RIT2: variants seen among roughly 807,000 people sequenced by gnomAD.
The protein encoded by RIT2 is Ras like without CAAX 2.
In RIT2, 24 loss-of-function variants were observed where a neutral mutation model predicts 23.7. The ratio of observed to expected loss-of-function variants is 1.01; its 90% CI spans 0.73 to 1.43. The LOEUF (loss-of-function observed/expected upper bound fraction) is 1.43. Among genes scored for constraint, RIT2 ranks in the 40% most tolerant of loss-of-function variants. The pLI, the probability that RIT2 is intolerant of heterozygous loss-of-function variation, is 0.00. For synonymous variants in RIT2, 107 were observed against 91.1 expected (o/e 1.17, Z -0.99); for missense variants, 236 against 266.9 (o/e 0.88, Z 0.81).
intron 4 of RIT2, among the ~76,000 whole-genome samples, chr18:42,849,082 C>T (rs990847109): frequency 2.0e-5 from 3 of 152,138 alleles, no homozygotes; most frequent in Admixed American, 2.0e-4. Context: ...AGGAAACAGA[C>T]CTAGTGAAGT....
At chr18:43,114,326 C>T (rs1474921761) in intron 1 of RIT2, among the ~76,000 whole-genome samples, 1 of 150,958 alleles carries the variant, frequency 6.6e-6, no homozygotes, top group African/African-American at 2.5e-5. Flanking sequence ...CTTTGTTGTC[C>T]ACTAAAGTCA....
At chr18:42,827,222 G>A (rs941475539) in intron 4 of RIT2, among the ~76,000 whole-genome samples, 1 of 152,096 alleles carries the variant, frequency 6.6e-6, no homozygotes, top group South Asian at 2.1e-4. Flanking sequence ...TTTTAGAGGA[G>A]GTATCAGAAA....
At chr18:42,777,084 G>GGA (rs1913689491) in intron 4 of RIT2, among the ~76,000 whole-genome samples, 1 of 151,958 alleles carries the variant, frequency 6.6e-6, no homozygotes, top group Non-Finnish European at 1.5e-5. Flanking sequence ...AAAAGAGTGG[G>GGA]GAAAGTTGTT....
chr18:42,821,756 A>G (rs990217475), intron 4 of RIT2, among the ~76,000 whole-genome samples: 35 of 152,278 alleles, frequency 2.3e-4, no homozygotes, highest in African/African-American at 7.9e-4. Flanking sequence ...TTCATTCAGT[A>G]AATACTTACT....
chr18:43,104,769 T>G (rs1187663914), intron 1 of RIT2, among the ~76,000 whole-genome samples: 5 of 152,166 alleles, frequency 3.3e-5, no homozygotes, highest in Non-Finnish European at 7.4e-5. Context: ...CAATTTCAAA[T>G]AAAAGATGTG....
At chr18:43,008,835 G>A (rs1415612598) in intron 2 of RIT2, among the ~76,000 whole-genome samples, 4 of 151,582 alleles carry the variant, frequency 2.6e-5, no homozygotes, top group Non-Finnish European at 3.0e-5. Flanking sequence ...TAGTATCAAT[G>A]TAATGTTTAT....
At chr18:43,018,085 C>A (rs1911514511) in intron 2 of RIT2, among the ~76,000 whole-genome samples, 1 of 152,034 alleles carries the variant, frequency 6.6e-6, no homozygotes, top group Admixed American at 6.6e-5. Context: ...GTAAGTTGGG[C>A]TCAAGGTCAA....
intron 2 of RIT2, among the ~76,000 whole-genome samples, chr18:42,983,036 G>A (rs74624268): frequency 0.096 from 14,523 of 151,944 alleles, 801 homozygotes; most frequent in Non-Finnish European, 0.12. Context: ...ACAATATAAT[G>A]AATAGAAAGG....
chr18:42,767,125 G>A (rs529614091), intron 4 of RIT2, among the ~76,000 whole-genome samples: 7 of 152,314 alleles, frequency 4.6e-5, no homozygotes, highest in Admixed American at 3.9e-4. Flanking sequence ...GCCTAGTGGA[G>A]CTGTAAGAAG....
rs116661081 is a variant in RIT2, at chr18:42,973,041, T to C, written c.234+1033A>G. On this transcript the variant is annotated intron_variant, in intron 3 of 4. Coordinates refer to ENST00000326695, the MANE Select transcript of RIT2 (RefSeq NM_002930.4). Reference sequence around the variant, plus strand: ...GACACTTCTAATTTAATAATACTTTTGCATAACATCTATTTGCCTTATATT... The same window carrying C: ...GACACTTCTAATTTAATAATACTTTCGCATAACATCTATTTGCCTTATATT... Among the ~76,000 whole-genome samples, 234 of 151,976 alleles carry C rather than the reference T, an allele frequency of 1.5e-3. 1 individual carries two copies. The highest frequency in any genetic ancestry group is 5.3e-3 in the African/African-American group (219 of 41,558).
chr18:42,806,613 G>A (rs1193283846), intron 4 of RIT2, among the ~76,000 whole-genome samples: 1 of 152,166 alleles, frequency 6.6e-6, no homozygotes, highest in Non-Finnish European at 1.5e-5. Context: ...CACCTCATTT[G>A]CTTTTACATA....
At chr18:42,806,116 T>C (rs1371068139) in intron 4 of RIT2, among the ~76,000 whole-genome samples, 2 of 147,326 alleles carry the variant, frequency 1.4e-5, no homozygotes, top group African/African-American at 4.9e-5. Flanking sequence ...TATATATATA[T>C]ATATATATAT....
chr18:42,919,776 C>T (rs1247251282), intron 4 of RIT2, among the ~76,000 whole-genome samples: 1 of 152,002 alleles, frequency 6.6e-6, no homozygotes, highest in Non-Finnish European at 1.5e-5. Flanking sequence ...TCCCAAATCC[C>T]TGAAACTTCC....
chr18:42,766,517 C>T (rs954909792), intron 4 of RIT2, among the ~76,000 whole-genome samples: 3 of 152,106 alleles, frequency 2.0e-5, no homozygotes, highest in Non-Finnish European at 4.4e-5. Flanking sequence ...CTGTTAAAGG[C>T]CTTCAGTTTT....
At chr18:42,799,051 G>T (rs557929964) in intron 4 of RIT2, among the ~76,000 whole-genome samples, 6 of 152,142 alleles carry the variant, frequency 3.9e-5, no homozygotes, top group Non-Finnish European at 7.3e-5. Context: ...CTACTGTCAC[G>T]CTGTCAACAT....
At chr18:43,110,252 T>C (rs1913922395) in intron 1 of RIT2, among the ~76,000 whole-genome samples, 1 of 151,896 alleles carries the variant, frequency 6.6e-6, no homozygotes, top group Non-Finnish European at 1.5e-5. Context: ...TATATATATA[T>C]ACCCACTATG....
chr18:43,003,299 C>T (rs1911150346), intron 2 of RIT2, among the ~76,000 whole-genome samples: 1 of 151,940 alleles, frequency 6.6e-6, no homozygotes, highest in African/African-American at 2.4e-5. Flanking sequence ...TTTAAGAGAA[C>T]AGAAAAGTAG....
At chr18:43,026,634 A>AAGAGAGAGAGAG (rs778464703) in intron 2 of RIT2, among the ~76,000 whole-genome samples, 1 of 100,278 alleles carries the variant, frequency 1.0e-5, no homozygotes, top group Non-Finnish European at 2.3e-5. Context: ...GAAAGAAAGA[A>AAGAGAGAGAGAG]AGAGAGAAAG....
chr18:42,917,327 A>T (rs1017319798), intron 4 of RIT2, among the ~76,000 whole-genome samples: 1 of 152,116 alleles, frequency 6.6e-6, no homozygotes, highest in Non-Finnish European at 1.5e-5. Flanking sequence ...TGAGGACTCC[A>T]TCATGGACAC....
Sources: allele counts gnomAD v4.1 joint callset (sites outside exome capture counted in the v4.1 genomes callset), GRCh38; gene constraint gnomAD v4.1.1; transcripts MANE v1.5; gene names NCBI Gene and HGNC (gene_info 2026-07-23, HGNC 2026-07-21).